TRPM2: variants seen among roughly 807,000 people sequenced by gnomAD.
TRPM2 encodes estrogen-responsive element-associated gene 1 protein.
Under a neutral mutation model 174.0 loss-of-function variants are expected in TRPM2, and 161 were observed. That is an observed-to-expected ratio of 0.93 (90% CI 0.81 to 1.05). The LOEUF (loss-of-function observed/expected upper bound fraction) is 1.05. TRPM2 is among the 50% of genes least tolerant of loss of function. TRPM2 has a pLI of 0.00. For synonymous variants in TRPM2, 954 were observed against 861.3 expected (o/e 1.11, Z -1.88); for missense variants, 2,057 against 2,038.0 (o/e 1.01, Z -0.18).
At chr21:44,416,918 G>A (rs1417157679) in intron 20 of TRPM2, among the ~76,000 whole-genome samples, 8 of 144,590 alleles carry the variant, frequency 5.5e-5, no homozygotes, top group South Asian at 2.3e-4. Flanking sequence ...CAGTGTGCAC[G>A]TGGGCGTGGC....
chr21:44,413,226 TC>T (rs376518612), intron 19 of TRPM2, among the ~76,000 whole-genome samples: 3 of 146,738 alleles, frequency 2.0e-5, no homozygotes, highest in Admixed American at 2.0e-4. Flanking sequence ...CCTTTTCAAT[TC>T]TTTTTTTTTT....
chr21:44,425,404 G>A (rs1177860103), intron 24 of TRPM2: 15 of 438,374 alleles, frequency 3.4e-5, no homozygotes, highest in Non-Finnish European at 5.6e-5. Context: ...ACCGCACTGC[G>A]AGTTCAGCTC....
In TRPM2 at chr21:44,359,755, A is replaced by ATT. The variant is rs757501715; in HGVS notation, c.255-4358_255-4357insTT. On this transcript the variant is annotated intron_variant, in intron 2 of 31. Transcript: ENST00000397928. ...TACACATATATATGTATATATATAT[A>ATT]TATTTTTTTTGAGACGGAGTCTTGC... Among the ~76,000 whole-genome samples the ATT allele has an allele frequency of 8.9e-3, 1,267 of 141,884 alleles. 10 individuals are homozygous for ATT. The highest frequency in any genetic ancestry group is 0.017 in the South Asian group (78 of 4,554). The allele number at this position is 141,884 out of a possible 152,430, so 93.1% of individuals were successfully genotyped here.
intron 11 of TRPM2, among the ~76,000 whole-genome samples, chr21:44,395,030 A>G (rs2049298162): frequency 6.6e-6 from 1 of 152,166 alleles, no homozygotes; most frequent in South Asian, 2.1e-4. Context: ...ACTGCAGGAG[A>G]GTCCCTCAGG....
rs1785460 is a variant in TRPM2 at position 44,412,836 on chromosome 21, A to C, written c.2963-1055A>C. On this transcript the variant is annotated intron_variant, in intron 19 of 31. Coordinates refer to ENST00000397928, the MANE Select transcript of TRPM2 (RefSeq NM_003307.4). ...ACGTTAATAATTTCAGCTCTTCTTT[A>C]TTAATATAGGAATTTATAGCCATCA... Among the ~76,000 whole-genome samples the C allele has an allele frequency of 2.0e-5, 3 of 151,874 alleles. No homozygotes were observed. The South Asian group carries it at 6.2e-4, about 31-fold the overall frequency.
intron 5 of TRPM2, among the ~76,000 whole-genome samples, chr21:44,370,718 C>T (rs2048512700): frequency 6.6e-6 from 1 of 152,202 alleles, no homozygotes; most frequent in African/African-American, 2.4e-5. Flanking sequence ...CCTTCCTTTG[C>T]GTCAGAATCA....
chr21:44,433,075 C>A (rs114304835), intron 27 of TRPM2, among the ~76,000 whole-genome samples: 1 of 152,068 alleles, frequency 6.6e-6, no homozygotes, highest in Non-Finnish European at 1.5e-5. Context: ...CATGGTGGTC[C>A]GAAGCCCCTG....
At chr21:44,372,006 C>T (rs981388533) in intron 5 of TRPM2, among the ~76,000 whole-genome samples, 5 of 152,150 alleles carry the variant, frequency 3.3e-5, no homozygotes, top group East Asian at 3.9e-4. Flanking sequence ...TAGTGGCAGG[C>T]GCCTGTAATC....
At chr21:44,425,938 C>A in intron 25 of TRPM2, 111 bp downstream of exon 25, 1 of 1,299,920 alleles carries the variant, frequency 7.7e-7, no homozygotes, top group Non-Finnish European at 1.0e-6. Flanking sequence ...CCACTGCAGC[C>A]ACAGGGGGAT....
intron 8 of TRPM2, among the ~76,000 whole-genome samples, chr21:44,381,694 G>A (rs970925607): frequency 6.6e-6 from 1 of 152,132 alleles, no homozygotes; most frequent in African/African-American, 2.4e-5. Context: ...ATCACTTGAG[G>A]TCAGGAGTTT....
In TRPM2 at chr21:44,401,725, G is replaced by T. The variant is rs779862739; in HGVS notation, c.2366G>T (p.Arg789Leu). The T allele has an allele frequency of 6.2e-7, 1 of 1,613,404 alleles. No individual in the cohort carries two copies. Among genetic ancestry groups the T allele is most frequent in the East Asian group, 2.2e-5 (1 of 44,866 alleles). Residue 789 changes from arginine (R) to leucine (L), a missense_variant, in exon 16 of 32, where the codon CGT becomes CTT. Arg to Leu is a moderately radical substitution (Grantham distance 102, BLOSUM62 -2). Coordinates refer to ENST00000397928, the MANE Select transcript of TRPM2 (RefSeq NM_003307.4). The stretch of plus-strand genomic sequence containing the variant: ...GTGGGCACCCCCGCGGCCCGCGCCC[G>T]TGCCTTCTTCACCGCACCCGTGGTG... Reference protein sequence around the residue: ...QDVGTPAARARAFFTAPVVVF... With the variant: ...QDVGTPAARALAFFTAPVVVF...
At position 44,395,570 on chromosome 21, in the gene TRPM2, C is replaced by T; in HGVS notation, c.1932+19C>T. ...GGCTCAGGTAATAAGACTGGCTTCT[C>T]AGTCTCAGCAGACACAGCTATAGGC... On this transcript the variant is annotated intron_variant, in intron 12 of 31. Transcript: ENST00000397928. 6.2e-7 allele frequency: 1 copy of T among 1,612,378 alleles called. No individual in the cohort carries two copies.
chr21:44,435,528 T>C (rs1438261510), intron 28 of TRPM2, among the ~76,000 whole-genome samples: 1 of 151,562 alleles, frequency 6.6e-6, no homozygotes, highest in Non-Finnish European at 1.5e-5. Context: ...AGCCCCACAC[T>C]CACCCCTAAG....
chr21:44,358,614 T>C (rs1222128802), intron 2 of TRPM2, among the ~76,000 whole-genome samples: 1 of 152,140 alleles, frequency 6.6e-6, no homozygotes, highest in African/African-American at 2.4e-5. Flanking sequence ...AGGTGATCGT[T>C]CAAGGACAAG....
rs1014151334 is a variant in TRPM2, at chr21:44,379,076, A to G, written c.1094A>G (p.Gln365Arg). 3 of 1,612,966 alleles carry G rather than the reference A, an allele frequency of 1.9e-6. No homozygotes were observed. The highest frequency in any genetic ancestry group is 1.7e-5 in the Admixed American group (1 of 60,030). Residue 365 changes from glutamine to arginine, a missense_variant, in exon 8 of 32, where the codon CAG becomes CGG. By Grantham distance (43) the Gln-to-Arg change is conservative (BLOSUM62 1). Coordinates refer to ENST00000397928, the MANE Select transcript of TRPM2 (RefSeq NM_003307.4). The stretch of plus-strand genomic sequence containing the variant: ...GGCCGCGTGGCCGACGTCATTGCCC[A>G]GGTGGCCAACCTGCCTGTCTCGGAC... The part of the protein sequence containing the change: ...GSGRVADVIA[Q>R]VANLPVSDIT...
At chr21:44,402,930 C>A (rs1043713230) in intron 16 of TRPM2, among the ~76,000 whole-genome samples, 1 of 152,182 alleles carries the variant, frequency 6.6e-6, no homozygotes, top group African/African-American at 2.4e-5. Flanking sequence ...CCAGTTACCC[C>A]AGTTAGAAAG....
At position 44,441,942 on chromosome 21, in the gene TRPM2, A is replaced by G; in HGVS notation, c.*125A>G. 1 of 1,337,194 alleles carries G rather than the reference A, an allele frequency of 7.5e-7. No homozygotes were observed. The highest frequency in any genetic ancestry group is 9.7e-7 in the Non-Finnish European group (1 of 1,028,724). 82.8% of individuals were successfully genotyped at this position (1,337,194 alleles called of 1,614,324 possible). A position where few individuals can be genotyped will look rare whatever the true frequency, so the allele number is the denominator to read the frequency against. On this transcript the variant is annotated 3_prime_UTR_variant, in exon 32 of 32. Transcript: ENST00000397928. ...CCCTGCACATGATGGGGTTTGGTGG[A>G]CCCAGTGCCCCTCACGGCTGCCGCA...
intron 19 of TRPM2, among the ~76,000 whole-genome samples, chr21:44,408,468 T>A (rs891889309): frequency 6.6e-6 from 1 of 151,882 alleles, no homozygotes; most frequent in African/African-American, 2.4e-5. Flanking sequence ...TTTCTCTACC[T>A]TCTTGTCAAC....
intron 24 of TRPM2, chr21:44,425,458 C>T (rs558979343): frequency 1.4e-5 from 7 of 491,048 alleles, no homozygotes; most frequent in South Asian, 4.5e-5. Context: ...AGGCAGGTGC[C>T]GGCGGGGACG....
Sources: gnomAD v4.1 joint callset for allele counts (sites outside exome capture counted in the v4.1 genomes callset) on GRCh38, gnomAD v4.1.1 for gene constraint, MANE v1.5 for transcripts, NCBI Gene and HGNC (gene_info 2026-07-23, HGNC 2026-07-21) for gene names.